PLPPR5: variants seen among roughly 807,000 people sequenced by gnomAD.
PLPPR5 encodes the protein phospholipid phosphatase related 5, also known as phospholipid phosphatase-related protein type 5.
In PLPPR5, 16 loss-of-function variants were observed where a neutral mutation model predicts 33.9. The ratio of observed to expected loss-of-function variants is 0.47; its 90% CI spans 0.32 to 0.72. The LOEUF (loss-of-function observed/expected upper bound fraction) is 0.72, where lower values mean the gene tolerates loss of function less well. Ranked by LOEUF, PLPPR5 falls within the 30% of genes least tolerant of loss-of-function variation. PLPPR5 has a pLI of 0.03. For missense variants in PLPPR5, 301 were observed against 406.7 expected (o/e 0.74, Z 2.23); for synonymous variants, 163 against 150.3 (o/e 1.08, Z -0.62).
At chr1:98,948,896 T>G (rs309075) in intron 3 of PLPPR5, among the ~76,000 whole-genome samples, 1 of 151,922 alleles carries the variant, frequency 6.6e-6, no homozygotes, top group Admixed American at 6.6e-5. Context: ...TGGTTTATAA[T>G]GCAGCAACAC....
At chr1:98,960,224 G>A (rs547145535) in intron 1 of PLPPR5, among the ~76,000 whole-genome samples, 1 of 151,742 alleles carries the variant, frequency 6.6e-6, no homozygotes, top group African/African-American at 2.4e-5. Context: ...ATTATTTTGA[G>A]ATGAAGTCTC....
intron 1 of PLPPR5, among the ~76,000 whole-genome samples, chr1:98,977,166 C>G (rs896485711): frequency 6.6e-6 from 1 of 152,030 alleles, no homozygotes; most frequent in African/African-American, 2.4e-5. Context: ...ATGATGGAGA[C>G]TCCACCAGGC....
intron 1 of PLPPR5, among the ~76,000 whole-genome samples, chr1:98,996,486 G>C (rs1490745247): frequency 1.3e-5 from 2 of 152,028 alleles, no homozygotes; most frequent in Admixed American, 6.6e-5. Context: ...AAAGTAACCA[G>C]CCTGCTGAGT....
At chr1:98,985,393 T>C (rs1652219869) in intron 1 of PLPPR5, among the ~76,000 whole-genome samples, 1 of 152,014 alleles carries the variant, frequency 6.6e-6, no homozygotes, top group Non-Finnish European at 1.5e-5. Flanking sequence ...ATGACTGCGG[T>C]TTCAAAACCT....
chr1:99,003,080 T>TATATAG (rs1553173504), intron 1 of PLPPR5, among the ~76,000 whole-genome samples: 6 of 137,914 alleles, frequency 4.4e-5, no homozygotes, highest in Non-Finnish European at 9.4e-5. Flanking sequence ...TATATATATA[T>TATATAG]ATATATATAT....
intron 3 of PLPPR5, among the ~76,000 whole-genome samples, chr1:98,946,111 C>T (rs965997897): frequency 2.0e-5 from 3 of 152,154 alleles, no homozygotes; most frequent in South Asian, 4.1e-4. Flanking sequence ...AAATCCAAAT[C>T]CTGAGACTCT....
At position 98,921,829 on chromosome 1, in the gene PLPPR5, G is replaced by A. The variant is rs999511193; in HGVS notation, c.798+53C>T. The A allele has an allele frequency of 4.9e-6, 7 of 1,424,700 alleles. No homozygotes were observed. In the East Asian group the frequency reaches 1.4e-4, roughly 28 times the overall value. 88.3% of individuals were successfully genotyped at this position (1,424,700 alleles called of 1,614,324 possible). A position where few individuals can be genotyped will look rare whatever the true frequency, so the allele number is the denominator to read the frequency against. On this transcript the variant is annotated intron_variant, in intron 4 of 5. Transcript: ENST00000263177. Reference sequence around the variant, plus strand: ...ATTCACACTTGTATTTTCTCATGGTGATTATGCAAGTTAATTAAAAACCCA... The same window carrying A: ...ATTCACACTTGTATTTTCTCATGGTAATTATGCAAGTTAATTAAAAACCCA...
rs1570673018 is a variant in PLPPR5, at chr1:98,892,212, G to T, written c.*860C>A. ...AATCTTTAGTAGTAAAAAAGCCTAA[G>T]AGTGGAGCTTTTGACCACTCTTGAG... On this transcript the variant is annotated 3_prime_UTR_variant, in exon 6 of 6. Transcript: ENST00000263177. 1 of 152,144 alleles carries T rather than the reference G, an allele frequency of 6.6e-6. No homozygotes were observed. Among genetic ancestry groups the T allele is most frequent in the African/African-American group, 2.4e-5 (1 of 41,398 alleles). The allele number at this position is 152,144 out of a possible 1,614,324, so 9.4% of individuals were successfully genotyped here. A position where few individuals can be genotyped will look rare whatever the true frequency, so the allele number is the denominator to read the frequency against.
intron 5 of PLPPR5, among the ~76,000 whole-genome samples, chr1:98,912,784 A>G (rs1265404440): frequency 1.3e-5 from 2 of 152,200 alleles, no homozygotes; most frequent in African/African-American, 4.8e-5. Context: ...CTGAAATTGT[A>G]TTTGTAGAGC....
At position 99,004,744 on chromosome 1, in the gene PLPPR5, G is replaced by T. The variant is rs965340053; in HGVS notation, c.-73C>A. On this transcript the variant is annotated 5_prime_UTR_variant, in exon 1 of 6. Transcript: ENST00000263177. The stretch of plus-strand genomic sequence containing the variant: ...CGGTGGGCCCCCTCCCCGGTCCGCC[G>T]AGGCAGCCACCGGGGGCGCGGCGGC... 1 of 1,053,790 alleles carries T rather than the reference G, an allele frequency of 9.5e-7. No individual in the cohort carries two copies. The highest frequency in any genetic ancestry group is 1.2e-6 in the Non-Finnish European group (1 of 819,806). The allele number at this position is 1,053,790 out of a possible 1,614,324, so 65.3% of individuals were successfully genotyped here. A position where few individuals can be genotyped will look rare whatever the true frequency, so the allele number is the denominator to read the frequency against.
At chr1:99,005,781 G>A (rs1485513925), upstream of PLPPR5, among the ~76,000 whole-genome samples, 1 of 152,204 alleles carries the variant, frequency 6.6e-6, no homozygotes, top group Admixed American at 6.5e-5. Context: ...CACAGCACAT[G>A]CATACAAAAA....
intron 2 of PLPPR5, among the ~76,000 whole-genome samples, chr1:98,953,521 G>A (rs1650879716): frequency 6.6e-6 from 1 of 152,064 alleles, no homozygotes; most frequent in Non-Finnish European, 1.5e-5. Context: ...AGTGGTGAAA[G>A]TGGTAAATAT....
At chr1:98,930,602 A>C (rs957317783) in intron 3 of PLPPR5, among the ~76,000 whole-genome samples, 2 of 152,234 alleles carry the variant, frequency 1.3e-5, no homozygotes, top group Non-Finnish European at 2.9e-5. Flanking sequence ...GCAACAAAAT[A>C]CTTTATCAGC....
intron 5 of PLPPR5, among the ~76,000 whole-genome samples, chr1:98,893,902 T>A (rs1648375100): frequency 6.6e-6 from 1 of 152,022 alleles, no homozygotes; most frequent in African/African-American, 2.4e-5. Context: ...TGTATGGCAT[T>A]TGCATTGGAT....
At chr1:98,949,402 C>T (rs1443250075) in intron 3 of PLPPR5, among the ~76,000 whole-genome samples, 1 of 152,078 alleles carries the variant, frequency 6.6e-6, no homozygotes, top group Admixed American at 6.6e-5. Context: ...TCCTAATCCA[C>T]ACAAAGAGGC....
At chr1:98,939,608 A>C (rs895959377) in intron 3 of PLPPR5, among the ~76,000 whole-genome samples, 17 of 152,004 alleles carry the variant, frequency 1.1e-4, no homozygotes, top group African/African-American at 4.1e-4. Flanking sequence ...CACGTGATCC[A>C]CACTCAACCA....
At chr1:98,930,106 A>G (rs746460927) in intron 3 of PLPPR5, among the ~76,000 whole-genome samples, 3 of 152,252 alleles carry the variant, frequency 2.0e-5, no homozygotes, top group Non-Finnish European at 4.4e-5. Context: ...AATTTTAAAT[A>G]CTACAAAAAT....
intron 1 of PLPPR5, among the ~76,000 whole-genome samples, chr1:98,969,467 C>G (rs1651575757): frequency 6.6e-6 from 1 of 151,970 alleles, no homozygotes; most frequent in Non-Finnish European, 1.5e-5. Context: ...ACTAAAAAGG[C>G]ATTTAAGTAG....
intron 1 of PLPPR5, among the ~76,000 whole-genome samples, chr1:98,959,268 C>T (rs1651136814): frequency 6.6e-6 from 1 of 152,140 alleles, no homozygotes; most frequent in African/African-American, 2.4e-5. Flanking sequence ...CCACTTTTCC[C>T]GGGGCTCTCT....
Sources: allele counts gnomAD v4.1 joint callset (sites outside exome capture counted in the v4.1 genomes callset), GRCh38; gene constraint gnomAD v4.1.1; transcripts MANE v1.5; gene names NCBI Gene and HGNC (gene_info 2026-07-23, HGNC 2026-07-21).